Variants in UBE2W observed in about 807,000 individuals in gnomAD.
The protein encoded by UBE2W is ubiquitin conjugating enzyme E2 W.
UBE2W carries 18 observed loss-of-function variants against 27.2 expected under a neutral mutation model. The observed-to-expected ratio is 0.66, with a 90% CI of 0.46 to 0.98. The LOEUF is 0.98. Among genes scored for constraint, UBE2W ranks in the 50% least tolerant of loss-of-function variants. UBE2W has a pLI of 0.00. For synonymous variants in UBE2W, 53 were observed against 57.2 expected (o/e 0.93, Z 0.33); for missense variants, 90 against 180.2 (o/e 0.50, Z 2.87).
Position 73,788,143 on chromosome 8 carries a change from TTTA to T in UBE2W, c.*5956_*5958del, listed in dbSNP as rs938557089. 6 of 980,842 alleles carry T rather than the reference TTTA, an allele frequency of 6.1e-6. No homozygotes were observed. Among genetic ancestry groups the T allele is most frequent in the East Asian group, 1.1e-4 (1 of 8,804 alleles). The allele number at this position is 980,842 out of a possible 1,614,324, so 60.8% of individuals were successfully genotyped here. ...ACAGAAAAAATCCAATAACAACTGCTTTATTATTAAAAGTTATGAAATTCCATA... is the reference window on the plus strand; with the variant it reads ...ACAGAAAAAATCCAATAACAACTGCTTTATTAAAAGTTATGAAATTCCATA... On this transcript the variant is annotated 3_prime_UTR_variant, in exon 6 of 6. Coordinates refer to ENST00000602593, the MANE Select transcript of UBE2W (RefSeq NM_018299.6).
intron 2 of UBE2W, among the ~76,000 whole-genome samples, chr8:73,827,826 T>C (rs1238837579): frequency 6.6e-6 from 1 of 152,174 alleles, no homozygotes; most frequent in Non-Finnish European, 1.5e-5. Flanking sequence ...ATTACAGGCA[T>C]GAGCCACCAT....
chr8:73,807,396 G>C (rs1474806101), intron 4 of UBE2W, among the ~76,000 whole-genome samples: 1 of 152,168 alleles, frequency 6.6e-6, no homozygotes, highest in Non-Finnish European at 1.5e-5. Context: ...GTGATAGCAG[G>C]AAGGAAAACA....
chr8:73,863,434 G>C lies in UBE2W; in HGVS notation c.15+15374C>G, dbSNP rs1294833227. ...CACACTCTGGGGACTGTGGTGGGGTGGGGGGAGGAGGGAGGGATAGCATTG... is the reference window on the plus strand; with the variant it reads ...CACACTCTGGGGACTGTGGTGGGGTCGGGGGAGGAGGGAGGGATAGCATTG... On this transcript the variant is annotated intron_variant, in intron 1 of 5. Coordinates refer to ENST00000602593, the MANE Select transcript of UBE2W (RefSeq NM_018299.6). Among the ~76,000 whole-genome samples, 8 of 149,060 alleles carry C rather than the reference G, an allele frequency of 5.4e-5. No individual in the cohort carries two copies. In the East Asian group the frequency reaches 6.0e-4, roughly 11 times the overall value.
At chr8:73,797,097 T>C (rs886305754) in intron 5 of UBE2W, among the ~76,000 whole-genome samples, 2 of 152,218 alleles carry the variant, frequency 1.3e-5, no homozygotes, top group African/African-American at 4.8e-5. Context: ...CTTTCAAATA[T>C]AACATACAAG....
At chr8:73,843,181 A>C (rs1395974389) in intron 1 of UBE2W, among the ~76,000 whole-genome samples, 1 of 152,208 alleles carries the variant, frequency 6.6e-6, no homozygotes, top group Non-Finnish European at 1.5e-5. Flanking sequence ...GGAAAGGAGA[A>C]TGGAGAGTGA....
At chr8:73,795,053 TTTA>T (rs1324547841) in intron 5 of UBE2W, among the ~76,000 whole-genome samples, 1 of 152,134 alleles carries the variant, frequency 6.6e-6, no homozygotes, top group African/African-American at 2.4e-5. Context: ...ATCTGAAAGA[TTTA>T]TTCTGAGGAT....
downstream of UBE2W, among the ~76,000 whole-genome samples, chr8:73,783,089 AAAAC>A (rs1807871835): frequency 6.6e-6 from 1 of 152,206 alleles, no homozygotes; most frequent in African/African-American, 2.4e-5. Context: ...GTTCGAGTAA[AAAAC>A]AAAATCACCC....
At chr8:73,803,924 G>A (rs1031607869) in intron 5 of UBE2W, among the ~76,000 whole-genome samples, 2 of 151,604 alleles carry the variant, frequency 1.3e-5, no homozygotes, top group Admixed American at 1.3e-4. Context: ...CTGCCACCAC[G>A]CCCGGCTAAT....
intron 1 of UBE2W, among the ~76,000 whole-genome samples, chr8:73,870,003 G>C (rs1439060796): frequency 6.6e-6 from 1 of 152,212 alleles, no homozygotes; most frequent in East Asian, 1.9e-4. Context: ...CTGGGGAAAG[G>C]GGGAAATAGG....
rs1808164388 is a variant in UBE2W at position 73,790,952 on chromosome 8, G to A, written c.*3150C>T. 1.0e-6 allele frequency: 1 copy of A among 980,514 alleles called. No homozygotes were observed. Among genetic ancestry groups the A allele is most frequent in the Non-Finnish European group, 1.2e-6 (1 of 825,642 alleles). The allele number at this position is 980,514 out of a possible 1,614,324, so 60.7% of individuals were successfully genotyped here. On this transcript the variant is annotated 3_prime_UTR_variant, in exon 6 of 6. Transcript: ENST00000602593. ...TTGCATATATTTAAAATTTCATGAGGGAAAAGGTAATAAACTATTCTAGTT... is the reference window on the plus strand; with the variant it reads ...TTGCATATATTTAAAATTTCATGAGAGAAAAGGTAATAAACTATTCTAGTT...
At chr8:73,876,654 A>G (rs1408585180) in intron 1 of UBE2W, among the ~76,000 whole-genome samples, 2 of 152,224 alleles carry the variant, frequency 1.3e-5, no homozygotes, top group Non-Finnish European at 2.9e-5. Context: ...CTGTCAATCA[A>G]GTATTTGTTT....
intron 4 of UBE2W, among the ~76,000 whole-genome samples, chr8:73,807,261 T>C (rs117765079): frequency 0.014 from 2,172 of 152,356 alleles, 39 homozygotes; most frequent in Non-Finnish European, 0.022. Flanking sequence ...TCTGCTTAGC[T>C]AAGCTAATGA....
At chr8:73,874,653 C>A (rs560683001) in intron 1 of UBE2W, among the ~76,000 whole-genome samples, 13 of 152,156 alleles carry the variant, frequency 8.5e-5, no homozygotes, top group Admixed American at 2.0e-4. Context: ...TAAAAATTTG[C>A]TACAAGAAAC....
At chr8:73,780,711 A>G (rs1440960080) in intron 4 of UBE2W, among the ~76,000 whole-genome samples, 2 of 151,732 alleles carry the variant, frequency 1.3e-5, no homozygotes, top group African/African-American at 4.8e-5. Flanking sequence ...TTTTGTAGAG[A>G]TGAGGTTTTG....
In UBE2W at chr8:73,786,521, G is replaced by T. The variant is rs922442963; in HGVS notation, c.*7581C>A. ...TACTGTTAAAAAGTTCAGGATAGAT[G>T]ACTGGTAGGGAGAGAAGAAAGGACA... On this transcript the variant is annotated 3_prime_UTR_variant, in exon 6 of 6. Coordinates refer to ENST00000602593, the MANE Select transcript of UBE2W (RefSeq NM_018299.6). The T allele has an allele frequency of 1.0e-6, 1 of 985,476 alleles. No homozygotes were observed. The highest frequency in any genetic ancestry group is 1.2e-6 in the Non-Finnish European group (1 of 829,952). 61.0% of individuals were successfully genotyped at this position (985,476 alleles called of 1,614,324 possible).
At chr8:73,841,007 G>GA (rs1169479873) in intron 1 of UBE2W, among the ~76,000 whole-genome samples, 19 of 151,976 alleles carry the variant, frequency 1.3e-4, no homozygotes, top group African/African-American at 4.6e-4. Flanking sequence ...AACAAGAGAA[G>GA]AAAAAACATT....
At chr8:73,805,781 C>T in intron 4 of UBE2W, 55 bp from the exon 5 acceptor site, 1 of 1,046,554 alleles carries the variant, frequency 9.6e-7, no homozygotes, top group Non-Finnish European at 1.4e-6. Flanking sequence ...GAGAGGGTGA[C>T]AGTTTTAATA....
At chr8:73,862,334 T>C (rs1811565347) in intron 1 of UBE2W, among the ~76,000 whole-genome samples, 1 of 152,226 alleles carries the variant, frequency 6.6e-6, no homozygotes, top group Admixed American at 6.5e-5. Flanking sequence ...GATTTTTGTA[T>C]AAGGTGTAAG....
intron 1 of UBE2W, among the ~76,000 whole-genome samples, chr8:73,874,356 C>CG (rs1482275587): frequency 6.6e-6 from 1 of 152,034 alleles, no homozygotes; most frequent in African/African-American, 2.4e-5. Context: ...GCATGAAGCC[C>CG]GGGGATTGGA....
Sources: allele counts gnomAD v4.1 joint callset (sites outside exome capture counted in the v4.1 genomes callset), GRCh38; gene constraint gnomAD v4.1.1; transcripts MANE v1.5; gene names NCBI Gene and HGNC (gene_info 2026-07-23, HGNC 2026-07-21).